EBF1: variants seen among roughly 807,000 people sequenced by gnomAD.
EBF1 encodes transcription factor COE1.
In EBF1, 10 loss-of-function variants were observed where a neutral mutation model predicts 68.4. The observed-to-expected ratio is 0.15, with a 90% CI of 0.09 to 0.25. EBF1 has a LOEUF of 0.25. Ranked by LOEUF, EBF1 falls within the 10% of genes least tolerant of loss-of-function variation. The pLI, the probability that EBF1 is intolerant of heterozygous loss-of-function variation, is 1.00. For synonymous variants in EBF1, 298 were observed against 299.8 expected (o/e 0.99, Z 0.06); for missense variants, 509 against 794.4 (o/e 0.64, Z 4.32).
At chr5:158,808,103 C>T (rs1781940414) in intron 8 of EBF1, among the ~76,000 whole-genome samples, 1 of 152,102 alleles carries the variant, frequency 6.6e-6, no homozygotes, top group South Asian at 2.1e-4. Flanking sequence ...TTTGTTACAG[C>T]ACAGATGTTT....
chr5:158,826,145 A>C (rs1242211064), intron 7 of EBF1, among the ~76,000 whole-genome samples: 1 of 152,202 alleles, frequency 6.6e-6, no homozygotes, highest in East Asian at 1.9e-4. Context: ...AAACATTAAA[A>C]ATGATTTTAC....
Position 158,978,521 on chromosome 5 carries a change from G to C in EBF1, c.554+94875C>G, listed in dbSNP as rs201260849. On this transcript the variant is annotated intron_variant, in intron 6 of 15. Coordinates refer to ENST00000313708, the MANE Select transcript of EBF1 (RefSeq NM_024007.5). ...GCAAGGGAAAGGGGCAAGCCATGTG[G>C]TAAGTTCTGTTCATGATTTTTACAG... Among the ~76,000 whole-genome samples the C allele has an allele frequency of 2.0e-4, 30 of 152,200 alleles. No individual in the cohort carries two copies. The East Asian group carries it at 5.6e-3, about 28-fold the overall frequency.
intron 10 of EBF1, among the ~76,000 whole-genome samples, chr5:158,776,374 T>C (rs1194833549): frequency 6.6e-6 from 1 of 151,992 alleles, no homozygotes; most frequent in Non-Finnish European, 1.5e-5. Context: ...CTTCTAATAT[T>C]GAAATACAAG....
chr5:159,029,255 A>G (rs1768299068), intron 6 of EBF1, among the ~76,000 whole-genome samples: 1 of 152,246 alleles, frequency 6.6e-6, no homozygotes, highest in Non-Finnish European at 1.5e-5. Flanking sequence ...TGATAGATAC[A>G]CGATGTTGGC....
chr5:158,929,614 T>C (rs1316875807), intron 6 of EBF1, among the ~76,000 whole-genome samples: 2 of 152,252 alleles, frequency 1.3e-5, no homozygotes, highest in East Asian at 1.9e-4. Context: ...TAGCAAATTA[T>C]GTTGAAAATA....
intron 6 of EBF1, among the ~76,000 whole-genome samples, chr5:159,000,304 A>G (rs985073260): frequency 1.3e-5 from 2 of 152,304 alleles, no homozygotes; most frequent in East Asian, 1.9e-4. Context: ...CCCTCCTTAC[A>G]TCTTCGTAGT....
chr5:158,763,376 C>T (rs1299447475), intron 10 of EBF1, among the ~76,000 whole-genome samples: 1 of 152,210 alleles, frequency 6.6e-6, no homozygotes, highest in East Asian at 1.9e-4. Flanking sequence ...ATGCCCTGCT[C>T]TTACAGTGGG....
intron 6 of EBF1, among the ~76,000 whole-genome samples, chr5:159,011,579 A>G (rs1214215645): frequency 6.6e-6 from 1 of 152,224 alleles, no homozygotes; most frequent in Non-Finnish European, 1.5e-5. Context: ...GGGGTACCAG[A>G]GCAGGGCTCC....
chr5:158,749,096 C>A (rs1056916075), intron 10 of EBF1, among the ~76,000 whole-genome samples: 2 of 152,142 alleles, frequency 1.3e-5, no homozygotes, highest in African/African-American at 4.8e-5. Flanking sequence ...CCTTCTATGC[C>A]AGGAGAAGCA....
At chr5:158,749,400 G>A (rs1355235204) in intron 10 of EBF1, among the ~76,000 whole-genome samples, 1 of 152,068 alleles carries the variant, frequency 6.6e-6, no homozygotes, top group Non-Finnish European at 1.5e-5. Context: ...GAATCTAATA[G>A]TCTTCCCCTT....
At chr5:159,027,990 T>A (rs1768026901) in intron 6 of EBF1, among the ~76,000 whole-genome samples, 1 of 152,180 alleles carries the variant, frequency 6.6e-6, no homozygotes, top group African/African-American at 2.4e-5. Context: ...AGGGAAAAAA[T>A]GACACGGACT....
At chr5:158,722,607 T>C (rs1039624582) in intron 11 of EBF1, among the ~76,000 whole-genome samples, 2 of 152,228 alleles carry the variant, frequency 1.3e-5, no homozygotes, top group Non-Finnish European at 2.9e-5. Flanking sequence ...GGCAAAAATA[T>C]AATTTGCTTT....
chr5:158,993,326 G>C (rs933785070), intron 6 of EBF1, among the ~76,000 whole-genome samples: 5 of 152,134 alleles, frequency 3.3e-5, no homozygotes, highest in African/African-American at 1.2e-4. Flanking sequence ...AGGATTACAG[G>C]CATGAGCCAC....
chr5:158,883,333 C>CACACATACATGCATGTATATATATATAT (rs1191674550), intron 6 of EBF1, among the ~76,000 whole-genome samples: 1 of 137,740 alleles, frequency 7.3e-6, no homozygotes, highest in Non-Finnish European at 1.6e-5. Flanking sequence ...TATATATACA[C>CACACATACATGCATGTATATATATATAT]ACACATACAT....
chr5:159,003,878 G>C lies in EBF1; in HGVS notation c.554+69518C>G, dbSNP rs1395594859. ...ATGGATGAGTAAGTGGTGTAGTCAGGGTTCTCACCCAGCCCTGCCTGACTG... is the reference window on the plus strand; with the variant it reads ...ATGGATGAGTAAGTGGTGTAGTCAGCGTTCTCACCCAGCCCTGCCTGACTG... On this transcript the variant is annotated intron_variant, in intron 6 of 15. Coordinates refer to ENST00000313708, the MANE Select transcript of EBF1 (RefSeq NM_024007.5). 5.3e-5 allele frequency among the ~76,000 whole-genome samples: 8 copies of C among 152,276 alleles called. No homozygotes were observed. The South Asian group carries it at 1.7e-3, about 32-fold the overall frequency.
chr5:159,022,353 G>A (rs993420581), intron 6 of EBF1, among the ~76,000 whole-genome samples: 5 of 152,214 alleles, frequency 3.3e-5, no homozygotes, highest in Non-Finnish European at 7.3e-5. Flanking sequence ...TGCGCTGACT[G>A]ACCAGCTGGC....
At chr5:158,799,636 G>A (rs971233203) in intron 8 of EBF1, among the ~76,000 whole-genome samples, 23 of 152,136 alleles carry the variant, frequency 1.5e-4, no homozygotes, top group African/African-American at 4.6e-4. Flanking sequence ...AACGAATGCA[G>A]CAGCTCAGGA....
At chr5:158,728,241 C>T (rs1393791130) in intron 11 of EBF1, among the ~76,000 whole-genome samples, 1 of 152,134 alleles carries the variant, frequency 6.6e-6, no homozygotes, top group Admixed American at 6.5e-5. Flanking sequence ...TGAGAGCTTC[C>T]TGGGGTGGGC....
chr5:158,777,365 C>A, intron 10 of EBF1, 48 bp downstream of exon 10: 1 of 1,523,266 alleles, frequency 6.6e-7, no homozygotes, highest in East Asian at 2.4e-5. Context: ...GGGAAAGACC[C>A]CACAAGACCA....
Sources: allele counts gnomAD v4.1 joint callset (sites outside exome capture counted in the v4.1 genomes callset), GRCh38; gene constraint gnomAD v4.1.1; transcripts MANE v1.5; gene names NCBI Gene and HGNC (gene_info 2026-07-23, HGNC 2026-07-21).